INF2: variants seen among roughly 807,000 people sequenced by gnomAD.
The protein encoded by INF2 is inverted formin-2.
A neutral mutation model predicts 123.5 loss-of-function variants in INF2; 43 were observed. The observed-to-expected ratio is 0.35, with a 90% CI of 0.27 to 0.45. The LOEUF (loss-of-function observed/expected upper bound fraction) is 0.45. Ranked by LOEUF, INF2 falls within the 20% of genes least tolerant of loss-of-function variation. INF2 has a pLI of 1.00. For missense variants in INF2, 1,453 were observed against 1,682.7 expected, an observed-to-expected ratio of 0.86 and a Z score of 2.39; for synonymous variants, 851 against 745.0, an observed-to-expected ratio of 1.14 and a Z score of -2.32.
At chr14:104,691,005 G>A (rs1888919747) in intron 1 of INF2, among the ~76,000 whole-genome samples, 1 of 151,490 alleles carries the variant, frequency 6.6e-6, no homozygotes, top group Non-Finnish European at 1.5e-5. Flanking sequence ...CCCTGCCCAG[G>A]CCCTGCCCTC....
chr14:104,710,898 G>C, intron 13 of INF2, 39 bp from the exon 14 acceptor site: 1 of 1,593,268 alleles, frequency 6.3e-7, no homozygotes, highest in South Asian at 1.1e-5. Flanking sequence ...TGGGGGCTCC[G>C]AACCAAGAGC....
rs370399987 is a variant in INF2, at chr14:104,706,904, G to A, written c.844-6G>A. The A allele has an allele frequency of 1.8e-4, 284 of 1,603,722 alleles. No individual in the cohort carries two copies. Among genetic ancestry groups the A allele is most frequent in the Non-Finnish European group, 2.2e-4 (261 of 1,179,126 alleles). On this transcript the variant is annotated splice_polypyrimidine_tract_variant and splice_region_variant and intron_variant, in intron 6 of 22. Coordinates refer to ENST00000392634, the MANE Select transcript of INF2 (RefSeq NM_022489.4). ...GCTGACCTGCACCCCACACTCGCCC[G>A]TCCAGGTGAGCTGCTCCCCGGTGTC...
Position 104,707,760 on chromosome 14 carries a change from G to GT in INF2, c.1493_1494insT (p.Cys499MetfsTer81). 1 of 1,324,918 alleles carries GT rather than the reference G, an allele frequency of 7.5e-7. No homozygotes were observed. The highest frequency in any genetic ancestry group is 1.0e-6 in the Non-Finnish European group (1 of 969,928). 82.1% of individuals were successfully genotyped at this position (1,324,918 alleles called of 1,614,324 possible). A position where few individuals can be genotyped will look rare whatever the true frequency, so the allele number is the denominator to read the frequency against. On this transcript the variant is annotated frameshift_variant, in exon 8 of 23. Transcript: ENST00000392634. LOFTEE classifies it high-confidence loss of function. Reference sequence around the variant, plus strand: ...CCACCTCCACCACTCCCGGGCTTGGGATGCCCGCCCCCACCCCCACCCCTG... The same window carrying GT: ...CCACCTCCACCACTCCCGGGCTTGGGTATGCCCGCCCCCACCCCCACCCCTG...
At chr14:104,715,260 T>C (rs1328465540) in intron 21 of INF2, 24 bp from the exon 22 acceptor site, 1 of 1,612,308 alleles carries the variant, frequency 6.2e-7, no homozygotes, top group Non-Finnish European at 8.5e-7. Context: ...AGCCGTTGAG[T>C]GCGTTTCTTT....
intron 1 of INF2, among the ~76,000 whole-genome samples, chr14:104,682,435 C>T (rs1888548078): frequency 6.6e-6 from 1 of 152,194 alleles, no homozygotes; most frequent in South Asian, 2.1e-4. Flanking sequence ...AGATAAGGTG[C>T]CCCAGATGAG....
intron 8 of INF2, 42 bp from the exon 9 acceptor site, chr14:104,708,394 C>G (rs751341593): frequency 1.2e-6 from 2 of 1,605,476 alleles, no homozygotes; most frequent in Non-Finnish European, 1.7e-6. Context: ...CGCCAGGCCC[C>G]GGGGCTGCGA....
Position 104,715,353 on chromosome 14 carries a change from C to T in INF2, c.*1+13C>T. ...GTGATCCAGTAAGGTATGTACGCAG[C>T]CGGCGCTCCGTGGGGGCTAACAGCA... On this transcript the variant is annotated intron_variant, in intron 22 of 22. Coordinates refer to ENST00000392634, the MANE Select transcript of INF2 (RefSeq NM_022489.4). 1 of 1,612,140 alleles carries T rather than the reference C, an allele frequency of 6.2e-7. No individual in the cohort carries two copies. The highest frequency in any genetic ancestry group is 2.2e-5 in the East Asian group (1 of 44,878).
Position 104,684,149 on chromosome 14 carries a change from G to C in INF2, c.-104+2567G>C, listed in dbSNP as rs1343419991. On this transcript the variant is annotated intron_variant, in intron 1 of 2. Coordinates refer to the INF2 transcript ENST00000674723. The surrounding 1 kb of genome is among the most constrained non-coding windows in gnomAD (Gnocchi z 5.0). ...CTGAGCGGCTCTCCCCATCATGCAA[G>C]TAACCTGCGTGCCGCCACGGGAAAC... is the stretch of plus-strand genomic sequence containing the variant. 2.2e-6 allele frequency: 1 copy of C among 455,918 alleles called. No individual in the cohort carries two copies. 28.2% of individuals were successfully genotyped at this position (455,918 alleles called of 1,614,324 possible).
chr14:104,688,875 A>G (rs1888778098), upstream of INF2, among the ~76,000 whole-genome samples: 1 of 152,208 alleles, frequency 6.6e-6, no homozygotes, highest in Non-Finnish European at 1.5e-5. Context: ...AGAGCCGACT[A>G]TGGGCACGCC....
rs776237805 is a variant in INF2, at chr14:104,715,415, C to A, written c.*1+75C>A. ...GTGGGGCTGGAGCTTGCTGCCCACA[C>A]CCCTCCGGGACACTAACCTGGCTTC... On this transcript the variant is annotated intron_variant, in intron 22 of 22. Coordinates refer to ENST00000392634, the MANE Select transcript of INF2 (RefSeq NM_022489.4). The A allele has an allele frequency of 1.1e-5, 15 of 1,343,094 alleles. No individual in the cohort carries two copies. In the South Asian group the frequency reaches 1.3e-4, roughly 11 times the overall value. The allele number at this position is 1,343,094 out of a possible 1,614,324, so 83.2% of individuals were successfully genotyped here.
chr14:104,709,181 A>G, intron 10 of INF2, 100 bp from the exon 11 acceptor site: 1 of 882,496 alleles, frequency 1.1e-6, no homozygotes, highest in Non-Finnish European at 1.8e-6. Context: ...TGGCCACCCC[A>G]TGACTACGTG....
In INF2 at chr14:104,707,494, G is replaced by C; in HGVS notation, c.1227G>C (p.Ser409=). ...HAQSESILKV[S]QPRALEQQAS... ...AGAGTGAGAGCATCCTGAAAGTTTC[G>C]CAGCCCAGAGCCCTGGAGCAGCAGG... The change falls in exon 8 of 23, where the codon TCG becomes TCC. Residue 409 remains serine, a synonymous_variant. Coordinates refer to ENST00000392634, the MANE Select transcript of INF2 (RefSeq NM_022489.4). The C allele has an allele frequency of 2.6e-6, 4 of 1,548,564 alleles. No homozygotes were observed. Among genetic ancestry groups the C allele is most frequent in the Non-Finnish European group, 2.6e-6 (3 of 1,146,806 alleles).
At chr14:104,693,848 T>C (rs1889065258) in intron 1 of INF2, among the ~76,000 whole-genome samples, 1 of 152,218 alleles carries the variant, frequency 6.6e-6, no homozygotes, top group African/African-American at 2.4e-5. Flanking sequence ...CCCCACCCTC[T>C]GTGCCCCCGG....
In INF2 at chr14:104,714,368, CA is replaced by C; in HGVS notation, c.3207del (p.Arg1070GlyfsTer17). ...CTGGAGCAGTTGGAGGAGGGTGGTC[CA>C]CGGCCCCTGGAGAGGCGTTCTTCCT... is the stretch of plus-strand genomic sequence containing the variant. Reference protein sequence around the residue: ...PTLEQLEEGGPRPLERRSSWY... With the variant: ...PTLEQLEEGGXRPLERRSSWY... On this transcript the variant is annotated frameshift_variant, in exon 21 of 23. Coordinates refer to ENST00000392634, the MANE Select transcript of INF2 (RefSeq NM_022489.4). LOFTEE classifies it high-confidence loss of function. The C allele has an allele frequency of 6.3e-7, 1 of 1,597,776 alleles. No individual in the cohort carries two copies. The highest frequency in any genetic ancestry group is 8.5e-7 in the Non-Finnish European group (1 of 1,172,884).
intron 1 of INF2, among the ~76,000 whole-genome samples, chr14:104,701,041 G>T (rs1292864061): frequency 6.6e-6 from 1 of 152,176 alleles, no homozygotes; most frequent in Non-Finnish European, 1.5e-5. Context: ...TCACTCTGCA[G>T]GGGCCGTGCT....
chr14:104,682,223 G>T (rs1888541190), intron 1 of INF2, among the ~76,000 whole-genome samples: 1 of 152,202 alleles, frequency 6.6e-6, no homozygotes, highest in African/African-American at 2.4e-5. Context: ...GATGCAGGCA[G>T]GAGGCAGCAG....
chr14:104,703,885 G>C (rs7145851), intron 4 of INF2, 31 bp from the exon 5 acceptor site: 2 of 1,610,412 alleles, frequency 1.2e-6, no homozygotes, highest in Non-Finnish European at 1.7e-6. Context: ...AGTGGCCTCC[G>C]AACCCTCTGA....
chr14:104,687,460 CCA>C (rs5811148), upstream of INF2, among the ~76,000 whole-genome samples: 7 of 149,364 alleles, frequency 4.7e-5, no homozygotes, highest in East Asian at 2.0e-4. This position sits in a 1 kb window ranked among gnomAD's most constrained non-coding sequence, Gnocchi z 5.6. Context: ...GGCCTCCACT[CCA>C]CACACACACA....
In INF2 at chr14:104,707,767, G is replaced by GCCCCCA; in HGVS notation, c.1511_1516dup (p.Pro504_Pro505dup). 3 of 615,072 alleles carry GCCCCCA rather than the reference G, an allele frequency of 4.9e-6. No individual in the cohort carries two copies. Among genetic ancestry groups the GCCCCCA allele is most frequent in the Non-Finnish European group, 7.4e-6 (3 of 404,916 alleles). 38.1% of individuals were successfully genotyped at this position (615,072 alleles called of 1,614,324 possible). A position where few individuals can be genotyped will look rare whatever the true frequency, so the allele number is the denominator to read the frequency against. On this transcript the variant is annotated inframe_insertion, in exon 8 of 23. Coordinates refer to ENST00000392634, the MANE Select transcript of INF2 (RefSeq NM_022489.4). ...CACCACTCCCGGGCTTGGGATGCCCGCCCCCACCCCCACCCCTGCTGCCTG... is the reference window on the plus strand; with the variant it reads ...CACCACTCCCGGGCTTGGGATGCCCGCCCCCACCCCCACCCCCACCCCTGCTGCCTG...
Sources: gnomAD v4.1 joint callset for allele counts (sites outside exome capture counted in the v4.1 genomes callset) on GRCh38, gnomAD v4.1.1 for gene constraint, Gnocchi (gnomAD v3.1) non-coding constraint, MANE v1.5 for transcripts, NCBI Gene and HGNC (gene_info 2026-07-23, HGNC 2026-07-21) for gene names.